The following ABCC11 variants were observed in gnomAD, a reference collection of about 807,000 sequenced individuals.
The protein encoded by ABCC11 is ATP-binding cassette sub-family C member 11.
A neutral mutation model predicts 149.3 loss-of-function variants in ABCC11; 135 were observed. That is an observed-to-expected ratio of 0.90 (90% CI 0.79 to 1.04). The LOEUF (loss-of-function observed/expected upper bound fraction) is 1.04. Ranked by LOEUF, ABCC11 falls within the 50% of genes least tolerant of loss-of-function variation. The pLI, the probability that ABCC11 is intolerant of heterozygous loss-of-function variation, is 0.00. For synonymous variants in ABCC11, 665 were observed against 671.4 expected (o/e 0.99, Z 0.15); for missense variants, 1,680 against 1,722.1 (o/e 0.98, Z 0.43).
chr16:48,165,052 A>T (rs1401038214), downstream of ABCC11: 1 of 152,138 alleles, frequency 6.6e-6, no homozygotes, highest in African/African-American at 2.4e-5. Context: ...CGAGGCTGCC[A>T]TCTGCTGGTC....
chr16:48,177,892 C>T (rs1966190476), intron 24 of ABCC11, among the ~76,000 whole-genome samples: 1 of 152,238 alleles, frequency 6.6e-6, no homozygotes, highest in Admixed American at 6.5e-5. Flanking sequence ...AAAGTTCTGC[C>T]TGGCCCAACC....
intron 28 of ABCC11, 24 bp from the exon 29 acceptor site, chr16:48,167,684 A>G (rs747203827): frequency 9.9e-6 from 16 of 1,613,176 alleles, no homozygotes; most frequent in Non-Finnish European, 1.4e-5. Flanking sequence ...AACAGGGGTG[A>G]AGGTGTCTAC....
intron 12 of ABCC11, among the ~76,000 whole-genome samples, chr16:48,207,388 G>A (rs369911255): frequency 5.8e-4 from 88 of 152,234 alleles, no homozygotes; most frequent in Non-Finnish European, 1.0e-3. Context: ...AGAAATGGCC[G>A]GGCATGGTGG....
intron 26 of ABCC11, 60 bp from the exon 27 acceptor site, chr16:48,171,027 T>C: frequency 7.3e-7 from 1 of 1,377,326 alleles, no homozygotes; most frequent in East Asian, 2.3e-5. Flanking sequence ...AACACTCATT[T>C]ATATGCCCAG....
intron 1 of ABCC11, among the ~76,000 whole-genome samples, chr16:48,240,910 A>C (rs1168399195): frequency 6.6e-6 from 1 of 152,008 alleles, no homozygotes; most frequent in African/African-American, 2.4e-5. Flanking sequence ...TTTCACCATC[A>C]TATATCACAT....
At chr16:48,219,090 T>TA (rs1052804399) in intron 6 of ABCC11, among the ~76,000 whole-genome samples, 1 of 151,580 alleles carries the variant, frequency 6.6e-6, no homozygotes, top group Non-Finnish European at 1.5e-5. Context: ...ACCACTTACA[T>TA]AAAAATACAC....
intron 10 of ABCC11, among the ~76,000 whole-genome samples, chr16:48,213,049 C>T (rs1315873146): frequency 6.6e-6 from 1 of 152,236 alleles, no homozygotes; most frequent in East Asian, 1.9e-4. Context: ...TCCAGGGTCA[C>T]TAGACCTTCT....
At chr16:48,206,992 G>T (rs961170640) in intron 12 of ABCC11, among the ~76,000 whole-genome samples, 3 of 152,050 alleles carry the variant, frequency 2.0e-5, no homozygotes, top group African/African-American at 7.2e-5. Context: ...CAAAGAAACC[G>T]GGGAAAGGCC....
At position 48,178,621 on chromosome 16, in the gene ABCC11, T is replaced by C. The variant is rs777094079; in HGVS notation, c.3324A>G (p.Val1108=). 4.3e-6 allele frequency: 7 copies of C among 1,614,024 alleles called. No individual in the cohort carries two copies. The highest frequency in any genetic ancestry group is 5.9e-6 in the Non-Finnish European group (7 of 1,180,030). ...CCTTCATGTACTGCAGTATCCTCTC[T>C]ACAGCCGTGAACTGTGCCTCTGTCT... The part of the protein sequence containing the change: ...GLETEAQFTA[V]ERILQYMKMC... The change falls in exon 24 of 30, where the codon GTA becomes GTG. Residue 1108 remains valine, a synonymous_variant. Transcript: ENST00000356608.
At chr16:48,192,454 A>T in intron 20 of ABCC11, 66 bp downstream of exon 20, 1 of 1,529,498 alleles carries the variant, frequency 6.5e-7, no homozygotes, top group Non-Finnish European at 8.9e-7. Flanking sequence ...AAAATAAAAA[A>T]ATAAAAATGA....
chr16:48,229,622 AC>A (rs1238293713), intron 3 of ABCC11, among the ~76,000 whole-genome samples: 1 of 144,134 alleles, frequency 6.9e-6, no homozygotes, highest in Non-Finnish European at 1.5e-5. Context: ...CTGCCACCGC[AC>A]CCGGCTAATT....
chr16:48,217,204 C>T (rs141893892), intron 6 of ABCC11, among the ~76,000 whole-genome samples: 2 of 152,162 alleles, frequency 1.3e-5, no homozygotes, highest in Non-Finnish European at 2.9e-5. Flanking sequence ...ATTCTTCACT[C>T]GATTCTATTC....
chr16:48,175,169 T>C, intron 26 of ABCC11, 89 bp downstream of exon 26: 2 of 1,491,238 alleles, frequency 1.3e-6, no homozygotes, highest in Non-Finnish European at 9.0e-7. Context: ...ATCGGGGCAT[T>C]GGTCACCAGC....
chr16:48,223,014 T>C (rs1969849298), intron 5 of ABCC11, among the ~76,000 whole-genome samples, 183 bp from the exon 6 acceptor site: 2 of 152,190 alleles, frequency 1.3e-5, no homozygotes. Context: ...ACTTAGGAGT[T>C]CAACTGACCC....
intron 1 of ABCC11, among the ~76,000 whole-genome samples, chr16:48,232,542 G>A (rs1970481184): frequency 6.6e-6 from 1 of 151,918 alleles, no homozygotes; most frequent in South Asian, 2.1e-4. Flanking sequence ...TAAATAATCA[G>A]GGTTCTTTTT....
Position 48,215,215 on chromosome 16 carries a change from A to G in ABCC11, c.1081T>C (p.Phe361Leu). 1 of 1,610,292 alleles carries G rather than the reference A, an allele frequency of 6.2e-7. No homozygotes were observed. The highest frequency in any genetic ancestry group is 1.1e-5 in the South Asian group (1 of 90,852). ...TCCATACCTTCAATGATTTTTGCAA[A>G]TGGTTTCTCCCATGTGTACATTTTA... ...LIKMYTWEKP[F>L]AKIIEDLRRK... The change falls in exon 8 of 30, where the codon TTT becomes CTT. Residue 361 changes from phenylalanine to leucine, a missense_variant. Transcript: ENST00000356608.
chr16:48,190,795 A>G (rs1018399474), intron 20 of ABCC11, among the ~76,000 whole-genome samples: 17 of 152,220 alleles, frequency 1.1e-4, no homozygotes, highest in Non-Finnish European at 4.4e-5. Flanking sequence ...AACTCTGTAT[A>G]TGACCATGCT....
rs367860261 is a variant in ABCC11, at chr16:48,202,858, G to A, written c.1878+370C>T. On this transcript the variant is annotated intron_variant, in intron 14 of 29. Transcript: ENST00000356608. Reference sequence around the variant, plus strand: ...GCAGATGTAAAAGATTGGAATTATCGGGGAAATGTTACAGTCAGAAATTTC... The same window carrying A: ...GCAGATGTAAAAGATTGGAATTATCAGGGAAATGTTACAGTCAGAAATTTC... Among the ~76,000 whole-genome samples, 93 of 152,250 alleles carry A rather than the reference G, an allele frequency of 6.1e-4. 1 individual carries two copies. The highest frequency in any genetic ancestry group is 2.1e-3 in the African/African-American group (88 of 41,546).
intron 26 of ABCC11, among the ~76,000 whole-genome samples, chr16:48,174,399 A>G (rs1319787468): frequency 6.6e-6 from 1 of 152,212 alleles, no homozygotes; most frequent in African/African-American, 2.4e-5. Flanking sequence ...CTCCTTAAAT[A>G]TCACAAAACA....
Sources: gnomAD v4.1 joint callset for allele counts (sites outside exome capture counted in the v4.1 genomes callset) on GRCh38, gnomAD v4.1.1 for gene constraint, MANE v1.5 for transcripts, NCBI Gene and HGNC (gene_info 2026-07-23, HGNC 2026-07-21) for gene names.